MCUB: variants seen among roughly 807,000 people sequenced by gnomAD.
MCUB encodes the protein calcium uniporter regulatory subunit MCUb, mitochondrial.
In MCUB, 46 loss-of-function variants were observed where a neutral mutation model predicts 41.4. That is an observed-to-expected ratio of 1.11 (90% CI 0.88 to 1.42). The LOEUF (loss-of-function observed/expected upper bound fraction) is 1.42, where lower values mean the gene tolerates loss of function less well. MCUB is among the 40% of genes most tolerant of loss of function. The pLI, the probability that MCUB is intolerant of heterozygous loss-of-function variation, is 0.00. For synonymous variants in MCUB, 148 were observed against 148.2 expected (o/e 1.00, Z 0.01); for missense variants, 403 against 404.9 (o/e 1.00, Z 0.04).
At chr4:109,583,245 G>A (rs1165280761) in intron 1 of MCUB, among the ~76,000 whole-genome samples, 11 of 152,176 alleles carry the variant, frequency 7.2e-5, no homozygotes, top group South Asian at 2.1e-4. Flanking sequence ...TTGTTGAGCC[G>A]TGGTTTGTAG....
At chr4:109,661,635 A>G (rs1302414778) in intron 3 of MCUB, among the ~76,000 whole-genome samples, 1 of 152,212 alleles carries the variant, frequency 6.6e-6, no homozygotes, top group African/African-American at 2.4e-5. Flanking sequence ...TTACGAAGAA[A>G]AATAAAGCAG....
chr4:109,628,274 C>T (rs1728404676), intron 1 of MCUB, among the ~76,000 whole-genome samples: 1 of 152,058 alleles, frequency 6.6e-6, no homozygotes, highest in Admixed American at 6.6e-5. Context: ...CATTAGAAGG[C>T]CAGTGCGCCT....
intron 1 of MCUB, among the ~76,000 whole-genome samples, chr4:109,586,588 T>C (rs1727311028): frequency 6.6e-6 from 1 of 152,156 alleles, no homozygotes; most frequent in Non-Finnish European, 1.5e-5. Context: ...ATCTTTGTGG[T>C]TTTATTTACG....
At chr4:109,665,525 C>T (rs1480246846) in intron 4 of MCUB, among the ~76,000 whole-genome samples, 1 of 152,010 alleles carries the variant, frequency 6.6e-6, no homozygotes, top group African/African-American at 2.4e-5. Context: ...TGCTCAAGGC[C>T]CTGATACAAA....
chr4:109,634,018 A>G (rs1031516766), intron 1 of MCUB, among the ~76,000 whole-genome samples: 1 of 152,130 alleles, frequency 6.6e-6, no homozygotes, highest in African/African-American at 2.4e-5. Context: ...TTATAAAGAA[A>G]TCTCACCAAG....
intron 2 of MCUB, among the ~76,000 whole-genome samples, chr4:109,659,517 G>T (rs1729178539): frequency 6.6e-6 from 1 of 152,106 alleles, no homozygotes; most frequent in Non-Finnish European, 1.5e-5. Context: ...TTGAGCCCAG[G>T]AGGTAGAGGC....
chr4:109,580,476 A>G (rs1259620449), intron 1 of MCUB, among the ~76,000 whole-genome samples: 1 of 152,204 alleles, frequency 6.6e-6, no homozygotes, highest in Non-Finnish European at 1.5e-5. Flanking sequence ...CAATGGTTGA[A>G]CTAGTTTACA....
intron 4 of MCUB, among the ~76,000 whole-genome samples, chr4:109,668,949 C>G (rs939894097): frequency 1.3e-5 from 2 of 151,976 alleles, no homozygotes; most frequent in Non-Finnish European, 2.9e-5. Flanking sequence ...CCCTCATGCC[C>G]CTTGTCTCAC....
intron 4 of MCUB, among the ~76,000 whole-genome samples, chr4:109,672,783 G>C (rs574634974): frequency 3.9e-5 from 6 of 152,218 alleles, no homozygotes; most frequent in South Asian, 2.1e-4. Context: ...ACCATTATCT[G>C]GTACAGTTTG....
intron 1 of MCUB, among the ~76,000 whole-genome samples, chr4:109,600,528 A>G (rs1434488297): frequency 6.6e-6 from 1 of 152,210 alleles, no homozygotes; most frequent in East Asian, 1.9e-4. Flanking sequence ...GGATCAGTCC[A>G]ACACAGTCAC....
chr4:109,584,217 A>G (rs1362874944), intron 1 of MCUB, among the ~76,000 whole-genome samples: 1 of 151,934 alleles, frequency 6.6e-6, no homozygotes, highest in Non-Finnish European at 1.5e-5. Context: ...TTTCTTCTAG[A>G]TTTTCTAGTT....
rs146593580 is a variant in MCUB at position 109,587,247 on chromosome 4, G to A, written c.99+26811G>A. On this transcript the variant is annotated intron_variant, in intron 1 of 7. Coordinates refer to ENST00000394650, the MANE Select transcript of MCUB (RefSeq NM_017918.5). Reference sequence around the variant, plus strand: ...GCTAGCAGTGAGCAAGGCTCCATGGGCGTGGGACCCACTGAGCCAGGCACA... The same window carrying A: ...GCTAGCAGTGAGCAAGGCTCCATGGACGTGGGACCCACTGAGCCAGGCACA... 4.6e-5 allele frequency among the ~76,000 whole-genome samples: 7 copies of A among 152,376 alleles called. No individual in the cohort carries two copies. The East Asian group carries it at 9.6e-4, about 21-fold the overall frequency.
chr4:109,643,000 G>A (rs965749708), intron 1 of MCUB, among the ~76,000 whole-genome samples: 1 of 146,226 alleles, frequency 6.8e-6, no homozygotes, highest in South Asian at 2.2e-4. Context: ...TCACTGTGTT[G>A]GCCAGGCTTG....
chr4:109,635,894 G>A (rs1282291960), intron 1 of MCUB, among the ~76,000 whole-genome samples: 1 of 144,672 alleles, frequency 6.9e-6, no homozygotes, highest in African/African-American at 2.8e-5. Flanking sequence ...GTAAAATGCA[G>A]CTCTAAACTT....
At chr4:109,653,054 G>A (rs1042498276) in intron 1 of MCUB, among the ~76,000 whole-genome samples, 2 of 152,174 alleles carry the variant, frequency 1.3e-5, no homozygotes, top group Non-Finnish European at 2.9e-5. Context: ...GGATTACTGG[G>A]TCACATATAA....
rs372089437 is a variant in MCUB at position 109,575,584 on chromosome 4, C to T, written c.99+15148C>T. Among the ~76,000 whole-genome samples, 12 of 152,272 alleles carry T rather than the reference C, an allele frequency of 7.9e-5. No individual in the cohort carries two copies. In the East Asian group the frequency reaches 1.5e-3, roughly 20 times the overall value. ...TGTGCTGCCATTTAATTAGTGGAGT[C>T]TGAATTTGTGCCAGTGACTAAGCAT... On this transcript the variant is annotated intron_variant, in intron 1 of 7. Transcript: ENST00000394650.
intron 4 of MCUB, among the ~76,000 whole-genome samples, chr4:109,671,871 G>A (rs1373618613): frequency 3.3e-5 from 5 of 152,076 alleles, no homozygotes; most frequent in African/African-American, 4.8e-5. Context: ...GGTTTTATGT[G>A]GCTAGGAGTT....
At chr4:109,598,809 A>C in intron 1 of MCUB, among the ~76,000 whole-genome samples, 1 of 152,210 alleles carries the variant, frequency 6.6e-6, no homozygotes, top group East Asian at 1.9e-4. Flanking sequence ...TGTTCTTTCC[A>C]TAGTCAAATG....
intron 4 of MCUB, among the ~76,000 whole-genome samples, chr4:109,667,743 T>G (rs987069598): frequency 2.0e-5 from 3 of 151,366 alleles, no homozygotes; most frequent in African/African-American, 7.3e-5. Flanking sequence ...AAAGTATAAG[T>G]TCAGATCTTA....
Sources: allele counts gnomAD v4.1 joint callset (sites outside exome capture counted in the v4.1 genomes callset), GRCh38; gene constraint gnomAD v4.1.1; transcripts MANE v1.5; gene names NCBI Gene and HGNC (gene_info 2026-07-23, HGNC 2026-07-21).